The following SCAPER variants were observed in gnomAD, a reference collection of about 807,000 sequenced individuals.
SCAPER encodes the protein S-phase cyclin A associated protein in the ER.
In SCAPER, 98 loss-of-function variants were observed where a neutral mutation model predicts 182.2. That is an observed-to-expected ratio of 0.54 (90% CI 0.46 to 0.64). SCAPER has a LOEUF of 0.64. Among genes scored for constraint, SCAPER ranks in the 30% least tolerant of loss-of-function variants. The probability of loss-of-function intolerance (pLI) is 0.00; values close to 1 mark genes in which losing one functional copy is unlikely to be tolerated. For missense variants in SCAPER, 1,432 were observed against 1,690.0 expected, an observed-to-expected ratio of 0.85 and a Z score of 2.68; for synonymous variants, 605 against 564.6, an observed-to-expected ratio of 1.07 and a Z score of -1.01.
chr15:76,643,317 G>A (rs1433355646), intron 21 of SCAPER, among the ~76,000 whole-genome samples: 1 of 152,108 alleles, frequency 6.6e-6, no homozygotes, highest in African/African-American at 2.4e-5. Flanking sequence ...TTGAACTACT[G>A]TTCAACGACT....
intron 29 of SCAPER, among the ~76,000 whole-genome samples, chr15:76,371,114 A>G (rs1029430233): frequency 3.3e-5 from 5 of 152,190 alleles, no homozygotes; most frequent in Non-Finnish European, 5.9e-5. Flanking sequence ...TCTTTCATAG[A>G]GAAATGATTC....
intron 22 of SCAPER, among the ~76,000 whole-genome samples, chr15:76,610,031 C>T (rs558990882): frequency 3.3e-5 from 5 of 152,122 alleles, no homozygotes; most frequent in African/African-American, 9.7e-5. Flanking sequence ...TTGGTAAAAA[C>T]GGAATGCTCT....
intron 8 of SCAPER, among the ~76,000 whole-genome samples, chr15:76,787,681 T>TAAACGCA (rs1159752428): frequency 6.6e-6 from 1 of 152,168 alleles, no homozygotes; most frequent in East Asian, 1.9e-4. Flanking sequence ...AAACGAACCT[T>TAAACGCA]CACTTAAAAC....
At chr15:76,507,151 C>G (rs1455678618) in intron 23 of SCAPER, among the ~76,000 whole-genome samples, 1 of 152,034 alleles carries the variant, frequency 6.6e-6, no homozygotes, top group Non-Finnish European at 1.5e-5. Context: ...AAAGTGGTAA[C>G]TAAGTTAAAA....
At chr15:76,468,654 C>A (rs1339222537) in intron 25 of SCAPER, among the ~76,000 whole-genome samples, 3 of 152,110 alleles carry the variant, frequency 2.0e-5, no homozygotes, top group African/African-American at 7.2e-5. Flanking sequence ...CAGGGAGGAT[C>A]ACTGAATATC....
intron 26 of SCAPER, among the ~76,000 whole-genome samples, chr15:76,405,469 T>G (rs776575739): frequency 1.3e-5 from 2 of 152,182 alleles, no homozygotes; most frequent in Non-Finnish European, 2.9e-5. Flanking sequence ...AAAGACTCTG[T>G]CACCATTAAC....
intron 24 of SCAPER, among the ~76,000 whole-genome samples, chr15:76,477,203 G>T (rs990285500): frequency 6.6e-6 from 1 of 152,166 alleles, no homozygotes; most frequent in African/African-American, 2.4e-5. Flanking sequence ...ACTCTCCAAA[G>T]AATACAGTTT....
At chr15:76,546,971 T>G (rs1034606244) in intron 23 of SCAPER, among the ~76,000 whole-genome samples, 3 of 152,106 alleles carry the variant, frequency 2.0e-5, no homozygotes. Flanking sequence ...ATTTAGGTTG[T>G]TTTCAGATTT....
intron 23 of SCAPER, among the ~76,000 whole-genome samples, chr15:76,529,222 G>A (rs1220848311): frequency 1.3e-5 from 2 of 152,016 alleles, no homozygotes; most frequent in African/African-American, 4.8e-5. Flanking sequence ...TTTTTGGTAT[G>A]TTTAGGAGAG....
rs114947919 is a variant in SCAPER at position 76,658,140 on chromosome 15, G to A, written c.2645+7513C>T. Among the ~76,000 whole-genome samples, 556 of 152,166 alleles carry A rather than the reference G, an allele frequency of 3.7e-3. 7 individuals are homozygous for A. The highest frequency in any genetic ancestry group is 0.013 in the African/African-American group (542 of 41,498). ...AGTCAAACTATCTCTATTAGCTGAC[G>A]ATATGATACTATCCCTAGAAAACCC... On this transcript the variant is annotated intron_variant, in intron 21 of 31. Transcript: ENST00000563290.
intron 26 of SCAPER, among the ~76,000 whole-genome samples, chr15:76,406,170 T>C (rs950562404): frequency 6.6e-6 from 1 of 151,958 alleles, no homozygotes; most frequent in African/African-American, 2.4e-5. Flanking sequence ...CACAGAACTC[T>C]TCAATTTAGA....
At chr15:76,857,900 A>G (rs779165496) in intron 3 of SCAPER, 21 bp from the exon 4 acceptor site, 1 of 1,470,550 alleles carries the variant, frequency 6.8e-7, no homozygotes, top group South Asian at 1.2e-5. Context: ...AGAAAAAAAT[A>G]AATATGTAGA....
At position 76,635,709 on chromosome 15, in the gene SCAPER, C is replaced by A. The variant is rs938451063; in HGVS notation, c.2646-13880G>T. 1.3e-4 allele frequency among the ~76,000 whole-genome samples: 19 copies of A among 151,390 alleles called. 1 individual carries two copies. The highest frequency in any genetic ancestry group is 4.1e-4 in the African/African-American group (17 of 41,220). ...TCAGCTGTGAGATTTTCCTAATTAT[C>A]CTTTACCAGATTAAGAAAGTTGCCT... is the stretch of plus-strand genomic sequence containing the variant. On this transcript the variant is annotated intron_variant, in intron 21 of 31. Transcript: ENST00000563290.
chr15:76,688,924 C>G (rs1005323581), intron 20 of SCAPER, among the ~76,000 whole-genome samples: 1 of 149,080 alleles, frequency 6.7e-6, no homozygotes, highest in African/African-American at 2.5e-5. Context: ...TCTCGGCTCA[C>G]TGCAATCTCC....
intron 27 of SCAPER, among the ~76,000 whole-genome samples, chr15:76,398,067 G>C (rs1251948043): frequency 6.6e-6 from 1 of 152,072 alleles, no homozygotes; most frequent in African/African-American, 2.4e-5. Context: ...TCTATTCTTT[G>C]TATTTTTCTC....
At position 76,774,897 on chromosome 15, in the gene SCAPER, G is replaced by A; in HGVS notation, c.993C>T (p.Asp331=). The A allele has an allele frequency of 6.2e-7, 1 of 1,613,540 alleles. No homozygotes were observed. The highest frequency in any genetic ancestry group is 8.5e-7 in the Non-Finnish European group (1 of 1,179,658). The change falls in exon 9 of 32, where the codon GAC becomes GAT. Residue 331 remains aspartate (D), a synonymous_variant. Transcript: ENST00000563290. ...GAGGATGGTCACAAGAGTGTAATGA[G>A]TCTTTGGGATGAGATTCTATAGTAT... The part of the protein sequence containing the change: ...TSNTIESHPK[D]SLHSCDHPLA...
chr15:76,643,914 C>T (rs1393456497), intron 21 of SCAPER, among the ~76,000 whole-genome samples: 1 of 152,108 alleles, frequency 6.6e-6, no homozygotes, highest in Non-Finnish European at 1.5e-5. Flanking sequence ...GACCACGAAT[C>T]TACCTTTTAA....
chr15:76,560,412 T>TG (rs1269751569), intron 23 of SCAPER, among the ~76,000 whole-genome samples: 1 of 152,024 alleles, frequency 6.6e-6, no homozygotes, highest in Non-Finnish European at 1.5e-5. Flanking sequence ...CAACACTTGC[T>TG]GACTGCCTAC....
At chr15:76,637,521 ACCC>A (rs956954595) in intron 21 of SCAPER, among the ~76,000 whole-genome samples, 3 of 146,912 alleles carry the variant, frequency 2.0e-5, no homozygotes, top group African/African-American at 7.6e-5. Flanking sequence ...AAACAGTGAG[ACCC>A]CCCCATCTCT....
Sources: allele counts gnomAD v4.1 joint callset (sites outside exome capture counted in the v4.1 genomes callset), GRCh38; gene constraint gnomAD v4.1.1; transcripts MANE v1.5; gene names NCBI Gene and HGNC (gene_info 2026-07-23, HGNC 2026-07-21).